EXOC4: variants seen among roughly 807,000 people sequenced by gnomAD.
EXOC4 encodes SEC8-like 1.
A neutral mutation model predicts 107.2 loss-of-function variants in EXOC4; 71 were observed. That is an observed-to-expected ratio of 0.66 (90% CI 0.55 to 0.81). EXOC4 has a LOEUF of 0.81. Among genes scored for constraint, EXOC4 ranks in the 30% least tolerant of loss-of-function variants. EXOC4 has a pLI of 0.00. For synonymous variants in EXOC4, 456 were observed against 441.2 expected (o/e 1.03, Z -0.42); for missense variants, 1,108 against 1,189.6 (o/e 0.93, Z 1.01).
chr7:133,323,710 T>C (rs1584811432), intron 5 of EXOC4, among the ~76,000 whole-genome samples: 1 of 152,344 alleles, frequency 6.6e-6, no homozygotes, highest in South Asian at 2.1e-4. Context: ...GGTATCAGGA[T>C]GATGCTGGCC....
chr7:133,974,971 G>A (rs1318857031), intron 14 of EXOC4, among the ~76,000 whole-genome samples: 1 of 151,904 alleles, frequency 6.6e-6, no homozygotes, highest in Admixed American at 6.6e-5. Context: ...CAAAGTACCA[G>A]ATGGACCATT....
At chr7:133,287,945 A>T (rs1327149147) in intron 2 of EXOC4, among the ~76,000 whole-genome samples, 1 of 152,180 alleles carries the variant, frequency 6.6e-6, no homozygotes, top group Non-Finnish European at 1.5e-5. Flanking sequence ...CCATGTATTG[A>T]TGAAGGTTTG....
intron 10 of EXOC4, among the ~76,000 whole-genome samples, chr7:133,696,151 G>A (rs1302792852): frequency 6.6e-6 from 1 of 152,170 alleles, no homozygotes; most frequent in Non-Finnish European, 1.5e-5. Context: ...GCCGTGGCTG[G>A]GTGAGGGAGC....
chr7:133,353,007 T>TA (rs1453636509), intron 5 of EXOC4, among the ~76,000 whole-genome samples: 3 of 152,104 alleles, frequency 2.0e-5, no homozygotes, highest in African/African-American at 7.2e-5. Flanking sequence ...AAACATAAAC[T>TA]AGTAATTCTT....
intron 11 of EXOC4, among the ~76,000 whole-genome samples, chr7:133,847,568 A>G (rs1196385479): frequency 1.4e-5 from 2 of 142,072 alleles, no homozygotes; most frequent in Admixed American, 7.1e-5. Flanking sequence ...TATTTTTAGT[A>G]AAGATGGAGT....
At chr7:133,849,515 T>C in intron 11 of EXOC4, among the ~76,000 whole-genome samples, 1 of 152,358 alleles carries the variant, frequency 6.6e-6, no homozygotes, top group Middle Eastern at 3.4e-3. Flanking sequence ...TTGTTTTTAA[T>C]AAATTTTATT....
chr7:133,509,374 G>C (rs1053332902), intron 9 of EXOC4, among the ~76,000 whole-genome samples: 1 of 150,598 alleles, frequency 6.6e-6, no homozygotes, highest in Admixed American at 6.6e-5. Flanking sequence ...CTTGCAGTGA[G>C]CCGAGATCAC....
intron 11 of EXOC4, among the ~76,000 whole-genome samples, chr7:133,889,190 C>A (rs1799151751): frequency 6.6e-6 from 1 of 152,130 alleles, no homozygotes; most frequent in Non-Finnish European, 1.5e-5. Context: ...AAATCAGGCT[C>A]CAACTGAATA....
intron 3 of EXOC4, among the ~76,000 whole-genome samples, chr7:133,291,573 G>A (rs4366012): frequency 6.6e-6 from 1 of 151,288 alleles, no homozygotes; most frequent in Admixed American, 6.6e-5. Context: ...GTAGAGATGG[G>A]TTTTCACCAT....
chr7:134,097,164 C>A, the EXOC4 span, among the ~76,000 whole-genome samples: 1 of 151,940 alleles, frequency 6.6e-6, no homozygotes, highest in Non-Finnish European at 1.5e-5. Flanking sequence ...AGAAGAAAAT[C>A]CAACTCCCAA....
At chr7:133,259,467 T>A (rs551166995) in intron 1 of EXOC4, among the ~76,000 whole-genome samples, 1 of 152,094 alleles carries the variant, frequency 6.6e-6, no homozygotes, top group East Asian at 1.9e-4. Context: ...CCTTAGGTGA[T>A]TGGCCTGCCT....
intron 10 of EXOC4, among the ~76,000 whole-genome samples, chr7:133,669,004 A>ATT (rs58354607): frequency 2.0e-4 from 24 of 118,436 alleles, no homozygotes; most frequent in Non-Finnish European, 3.1e-4. Context: ...TGTTCTCCCA[A>ATT]TTTTTTTTTT....
At chr7:133,837,291 A>C (rs956037819) in intron 11 of EXOC4, among the ~76,000 whole-genome samples, 1 of 152,162 alleles carries the variant, frequency 6.6e-6, no homozygotes, top group Non-Finnish European at 1.5e-5. Context: ...TTTGCACAGT[A>C]CACTTAATCT....
intron 13 of EXOC4, among the ~76,000 whole-genome samples, chr7:133,922,931 A>G (rs546919264): frequency 6.6e-6 from 1 of 151,484 alleles, no homozygotes; most frequent in Admixed American, 6.6e-5. Context: ...TCATACATTC[A>G]TCATTCTGCT....
intron 7 of EXOC4, among the ~76,000 whole-genome samples, chr7:133,419,687 G>C (rs889372950): frequency 2.0e-5 from 3 of 152,254 alleles, no homozygotes; most frequent in East Asian, 1.9e-4. Context: ...AAATGTTGGT[G>C]TGTCAAATGA....
intron 10 of EXOC4, among the ~76,000 whole-genome samples, chr7:133,645,910 CT>C (rs544303962): frequency 5.2e-4 from 79 of 152,234 alleles, no homozygotes; most frequent in African/African-American, 1.8e-3. Context: ...TAAAGAAGGT[CT>C]TTTGTTTTGC....
chr7:133,690,630 A>C lies in EXOC4; in HGVS notation c.1514+60489A>C, dbSNP rs1272372142. Among the ~76,000 whole-genome samples, 2 of 152,184 alleles carry C rather than the reference A, an allele frequency of 1.3e-5. 1 individual carries two copies. The highest frequency in any genetic ancestry group is 4.1e-4 in the South Asian group (2 of 4,830). ...TGGTGGGAGGAAAAACTTTTTCACT[A>C]CTTTCTTTAATTCAATGCTTGGGGA... On this transcript the variant is annotated intron_variant, in intron 10 of 17. Transcript: ENST00000253861.
At chr7:133,785,232 A>G (rs1331053265) in intron 10 of EXOC4, among the ~76,000 whole-genome samples, 5 of 152,106 alleles carry the variant, frequency 3.3e-5, no homozygotes, top group African/African-American at 1.2e-4. Context: ...CTACATGGGT[A>G]ATTTCTAGAA....
chr7:133,842,116 G>GT, intron 11 of EXOC4, among the ~76,000 whole-genome samples: 1 of 152,316 alleles, frequency 6.6e-6, no homozygotes, highest in African/African-American at 2.4e-5. Flanking sequence ...ATGCACATAT[G>GT]TTTGCATGTG....
Sources: allele counts gnomAD v4.1 joint callset (sites outside exome capture counted in the v4.1 genomes callset), GRCh38; gene constraint gnomAD v4.1.1; transcripts MANE v1.5; gene names NCBI Gene and HGNC (gene_info 2026-07-23, HGNC 2026-07-21).